Variants in TRPM5 observed in about 807,000 individuals in gnomAD.
TRPM5 encodes transient receptor potential cation channel subfamily M member 5, also known as MLSN1 and TRP-related.
In TRPM5, 121 loss-of-function variants were observed where a neutral mutation model predicts 124.9. The ratio of observed to expected loss-of-function variants is 0.97; its 90% confidence interval spans 0.84 to 1.13. TRPM5 has a LOEUF of 1.13. Among genes scored for constraint, TRPM5 ranks in the 50% most tolerant of loss-of-function variants. The probability of loss-of-function intolerance (pLI) is 0.00; values close to 1 mark genes in which losing one functional copy is unlikely to be tolerated. For synonymous variants in TRPM5, 781 were observed against 700.5 expected (o/e 1.11, Z -1.81); for missense variants, 1,643 against 1,589.1 (o/e 1.03, Z -0.58).
Position 2,418,217 on chromosome 11 carries a change from A to T in TRPM5, c.856T>A (p.Phe286Ile), listed in dbSNP as rs909274450. The change falls in exon 6 of 24, where the codon TTC becomes ATC. Residue 286 changes from phenylalanine (F) to isoleucine (I), a missense_variant. Coordinates refer to ENST00000155858, the Ensembl canonical transcript of TRPM5. ...TCCCAAGAGAAATGCTTGCTGGGGAACTTCTCCTTAAACTGCTTCTCGGCC... is the reference window on the plus strand; with the variant it reads ...TCCCAAGAGAAATGCTTGCTGGGGATCTTCTCCTTAAACTGCTTCTCGGCC... 21 of 1,585,066 alleles carry T rather than the reference A, an allele frequency of 1.3e-5. No individual in the cohort carries two copies. Among genetic ancestry groups the T allele is most frequent in the African/African-American group, 4.0e-5 (3 of 74,502 alleles).
chr11:2,415,488 A>C lies in TRPM5; in HGVS notation c.1129-17T>G. The C allele has an allele frequency of 6.6e-7, 1 of 1,515,344 alleles. No individual in the cohort carries two copies. Among genetic ancestry groups the C allele is most frequent in the Non-Finnish European group, 8.9e-7 (1 of 1,128,800 alleles). 93.9% of individuals were successfully genotyped at this position (1,515,344 alleles called of 1,614,324 possible). Reference sequence around the variant, plus strand: ...GTCACAGGACTTGGCGGCCATGGGCACCCGAGGGAAGGGGGACAAGAGAGT... The same window carrying C: ...GTCACAGGACTTGGCGGCCATGGGCCCCCGAGGGAAGGGGGACAAGAGAGT... On this transcript the variant is annotated splice_polypyrimidine_tract_variant and intron_variant, in intron 8 of 23. Coordinates refer to ENST00000155858, the Ensembl canonical transcript of TRPM5.
At chr11:2,407,951 A>G (rs1299471171) in intron 18 of TRPM5, 39 bp from the exon 24 acceptor site, 1 of 1,605,526 alleles carries the variant, frequency 6.2e-7, no homozygotes, top group Admixed American at 1.7e-5. Flanking sequence ...GACCGGGGGC[A>G]GCCACAAGGG....
exon 11 of TRPM5, chr11:2,414,770 C>G (rs367771022): frequency 1.7e-4 from 272 of 1,555,788 alleles, no homozygotes; most frequent in Non-Finnish European, 2.3e-4. Flanking sequence ...CCTCGGCCTC[C>G]GTCTCCAGGT....
chr11:2,431,943 C>T, the TRPM5 span, among the ~76,000 whole-genome samples: 51 of 152,354 alleles, frequency 3.3e-4, no homozygotes, highest in Non-Finnish European at 6.3e-4. Flanking sequence ...GTACAGACCA[C>T]ATGTTCTAAA....
chr11:2,414,013 GCCCA>G, intron 12 of TRPM5, 44 bp downstream of exon 17: 10 of 625,596 alleles, frequency 1.6e-5, no homozygotes, highest in African/African-American at 3.9e-5. Flanking sequence ...CAGCTCGCCC[GCCCA>G]CCCCACCCCC....
chr11:2,435,793 C>T, the TRPM5 span, among the ~76,000 whole-genome samples: 1 of 152,184 alleles, frequency 6.6e-6, no homozygotes, highest in Non-Finnish European at 1.5e-5. The surrounding 1 kb of genome is among the most constrained non-coding windows in gnomAD (Gnocchi z 4.1). Context: ...ATCTCTCTAC[C>T]CGTCTGTCCA....
At chr11:2,415,492 G>A (rs372151245) in intron 8 of TRPM5, 21 bp from the exon 14 acceptor site, 21 of 1,494,424 alleles carry the variant, frequency 1.4e-5, no homozygotes, top group African/African-American at 6.9e-5. Flanking sequence ...ATGGGCACCC[G>A]AGGGAAGGGG....
chr11:2,418,566 G>A (rs756246709), exon 5 of TRPM5: 1 of 1,611,914 alleles, frequency 6.2e-7, no homozygotes, highest in Non-Finnish European at 8.5e-7. Flanking sequence ...GCAAGCAGAG[G>A]ACAGGGATCT....
At chr11:2,425,114 G>A (rs990726159), upstream of TRPM5, among the ~76,000 whole-genome samples, 2 of 152,186 alleles carry the variant, frequency 1.3e-5, no homozygotes, top group African/African-American at 4.8e-5. Context: ...GGTGTCTGTG[G>A]CCAGGCCCCA....
At chr11:2,416,631 G>A (rs1298081670) in intron 7 of TRPM5, among the ~76,000 whole-genome samples, 5 of 152,098 alleles carry the variant, frequency 3.3e-5, no homozygotes, top group African/African-American at 1.2e-4. Flanking sequence ...TAAACGGGGA[G>A]GTTTCTTTGA....
At chr11:2,418,494 C>T (rs745773457) in intron 5 of TRPM5, 33 bp downstream of exon 10, 46 of 1,596,242 alleles carry the variant, frequency 2.9e-5, no homozygotes, top group Admixed American at 1.0e-4. Context: ...CACAAGGCTT[C>T]GGCCAGCCAG....
chr11:2,406,896 G>GT lies in TRPM5; in HGVS notation c.3119-104dup, dbSNP rs1589865172. ...GAGGTGGGCCAGGCAGAAGGAGTGAGTGGGGCCCAGCCAGGGATGGAGGGC... is the reference window on the plus strand; with the variant it reads ...GAGGTGGGCCAGGCAGAAGGAGTGAGTTGGGGCCCAGCCAGGGATGGAGGGC... On this transcript the variant is annotated intron_variant, in intron 20 of 23. Coordinates refer to ENST00000155858, the Ensembl canonical transcript of TRPM5. 1.4e-5 allele frequency: 21 copies of GT among 1,490,252 alleles called. No individual in the cohort carries two copies. In the East Asian group the frequency reaches 4.6e-4, roughly 32 times the overall value. 92.3% of individuals were successfully genotyped at this position (1,490,252 alleles called of 1,614,324 possible).
At chr11:2,423,372 C>T (rs1242642893), upstream of TRPM5, among the ~76,000 whole-genome samples, 1 of 152,214 alleles carries the variant, frequency 6.6e-6, no homozygotes, top group Non-Finnish European at 1.5e-5. Context: ...GTTGGCCACA[C>T]CTGCAGACAT....
At chr11:2,414,682 G>C (rs765261438) in intron 11 of TRPM5, 33 bp downstream of exon 16, 1 of 1,506,528 alleles carries the variant, frequency 6.6e-7, no homozygotes, top group East Asian at 2.5e-5. Context: ...CCTCCCCCGC[G>C]CGCGGGCCCG....
chr11:2,419,020 C>A (rs1565013744), intron 4 of TRPM5, among the ~76,000 whole-genome samples: 1 of 152,104 alleles, frequency 6.6e-6, no homozygotes, highest in Non-Finnish European at 1.5e-5. Flanking sequence ...TCAGGTTTCT[C>A]CCCCAAACAG....
At chr11:2,406,607 T>A in intron 21 of TRPM5, 54 bp downstream of exon 26, 1 of 1,545,474 alleles carries the variant, frequency 6.5e-7, no homozygotes, top group Non-Finnish European at 8.7e-7. Flanking sequence ...CAATGGCACA[T>A]CCCCGCTTAA....
At chr11:2,416,055 G>T in intron 7 of TRPM5, 31 bp from the exon 13 acceptor site, 1 of 1,548,704 alleles carries the variant, frequency 6.5e-7, no homozygotes, top group Non-Finnish European at 8.8e-7. Flanking sequence ...CACTGGTGAG[G>T]GTGGAGCTGA....
chr11:2,406,656 C>CGCACCTGTGGGCGGTTTTCCGCA lies in TRPM5; in HGVS notation c.3233_3251+4dup, dbSNP rs772166323. The CGCACCTGTGGGCGGTTTTCCGCA allele has an allele frequency of 5.6e-6, 9 of 1,604,370 alleles. No homozygotes were observed. The highest frequency in any genetic ancestry group is 7.7e-6 in the Non-Finnish European group (9 of 1,175,142). On this transcript the variant is annotated splice_donor_region_variant and intron_variant, in intron 21 of 23. Coordinates refer to ENST00000155858, the Ensembl canonical transcript of TRPM5. Reference sequence around the variant, plus strand: ...CCCACCAGTGATCAGGACAGGCCCCCGCACCTGTGGGCGGTTTTCCGCAGC... The same window carrying CGCACCTGTGGGCGGTTTTCCGCA: ...CCCACCAGTGATCAGGACAGGCCCCCGCACCTGTGGGCGGTTTTCCGCAGCACCTGTGGGCGGTTTTCCGCAGC...
intron 4 of TRPM5, 60 bp from the exon 10 acceptor site, chr11:2,418,651 T>C (rs1845723732): frequency 1.3e-6 from 2 of 1,503,720 alleles, no homozygotes; most frequent in Non-Finnish European, 1.8e-6. Flanking sequence ...CACCCGGATC[T>C]CAGGCTCTCA....
Sources: allele counts gnomAD v4.1 joint callset (sites outside exome capture counted in the v4.1 genomes callset), GRCh38; gene constraint gnomAD v4.1.1; non-coding constraint Gnocchi (gnomAD v3.1); transcripts MANE v1.5; gene names NCBI Gene and HGNC (gene_info 2026-07-23, HGNC 2026-07-21).